The following NKIRAS1 variants were observed in gnomAD, a reference collection of about 807,000 sequenced individuals.
NKIRAS1 encodes NFKB inhibitor interacting Ras like 1, also known as NF-kappa-B inhibitor-interacting Ras-like protein 1.
Under a neutral mutation model 19.8 loss-of-function variants are expected in NKIRAS1, and 16 were observed. The ratio of observed to expected loss-of-function variants is 0.81; its 90% CI spans 0.55 to 1.23. The LOEUF (loss-of-function observed/expected upper bound fraction) is 1.23. NKIRAS1 is among the 50% of genes most tolerant of loss of function. The pLI is 0.00. For missense variants in NKIRAS1, 184 were observed against 220.0 expected (o/e 0.84, Z 1.04); for synonymous variants, 88 against 79.0 (o/e 1.11, Z -0.61).
upstream of NKIRAS1, chr3:23,919,169 G>A (rs78134339): frequency 2.0e-4 from 300 of 1,534,576 alleles, no homozygotes; most frequent in East Asian, 4.2e-3. Context: ...GTGGGAGATT[G>A]ACCTTGGGCC....
At chr3:23,894,793 T>A (rs1476424035) in intron 4 of NKIRAS1, among the ~76,000 whole-genome samples, 1 of 152,138 alleles carries the variant, frequency 6.6e-6, no homozygotes, top group Non-Finnish European at 1.5e-5. Flanking sequence ...CTAAAACCCC[T>A]GCAGAAAGCT....
rs573533491 is a variant in NKIRAS1, at chr3:23,933,769, C to T, written c.-140+12554G>A. Among the ~76,000 whole-genome samples the T allele has an allele frequency of 2.6e-5, 4 of 152,238 alleles. No homozygotes were observed. In the South Asian group the frequency reaches 8.3e-4, roughly 32 times the overall value. ...CACTTTGTGCTGCGATAACAAATTA[C>T]TGTAGGCTGGGTGGCTTAAAGAACA... On this transcript the variant is annotated intron_variant, in intron 1 of 4. Coordinates refer to the NKIRAS1 transcript ENST00000421515.
intron 3 of NKIRAS1, among the ~76,000 whole-genome samples, chr3:23,904,049 C>T (rs1702779914): frequency 6.6e-6 from 1 of 152,128 alleles, no homozygotes; most frequent in African/African-American, 2.4e-5. Flanking sequence ...CCTGTAATTG[C>T]AGCTACTTGG....
At chr3:23,904,002 T>C (rs565085231) in intron 3 of NKIRAS1, among the ~76,000 whole-genome samples, 66 of 152,096 alleles carry the variant, frequency 4.3e-4, no homozygotes, top group Admixed American at 1.6e-3. Flanking sequence ...CCATCTCTAC[T>C]AAAAATACAA....
chr3:23,914,683 T>G (rs1704125293), intron 1 of NKIRAS1, among the ~76,000 whole-genome samples: 1 of 152,168 alleles, frequency 6.6e-6, no homozygotes, highest in African/African-American at 2.4e-5. Context: ...AATCATCCCT[T>G]GTCCTCAGGA....
chr3:23,946,009 G>C, intron 1 of NKIRAS1: 5 of 700,916 alleles, frequency 7.1e-6, no homozygotes, highest in Non-Finnish European at 8.8e-6. Context: ...CCCCGGGGCC[G>C]CAGGGACACG....
At chr3:23,943,775 G>A (rs1048829031) in intron 1 of NKIRAS1, among the ~76,000 whole-genome samples, 1 of 152,342 alleles carries the variant, frequency 6.6e-6, no homozygotes, top group East Asian at 1.9e-4. Context: ...GGGAAGAATA[G>A]AGGGCTACCG....
intron 1 of NKIRAS1, among the ~76,000 whole-genome samples, chr3:23,937,063 TCTC>T (rs1198822001): frequency 6.6e-6 from 1 of 152,122 alleles, no homozygotes; most frequent in Non-Finnish European, 1.5e-5. Flanking sequence ...GGTCTCTAAG[TCTC>T]CTCTAAGTAT....
At chr3:23,938,073 G>C (rs1341877977) in intron 1 of NKIRAS1, among the ~76,000 whole-genome samples, 2 of 152,150 alleles carry the variant, frequency 1.3e-5, no homozygotes, top group African/African-American at 4.8e-5. Context: ...ATTATGTGGA[G>C]TGGGGGCTTT....
chr3:23,941,883 T>C (rs747105896), intron 1 of NKIRAS1, among the ~76,000 whole-genome samples: 3 of 152,230 alleles, frequency 2.0e-5, no homozygotes, highest in Admixed American at 6.5e-5. Context: ...AGATATACTT[T>C]GCAATGGCTA....
At chr3:23,934,379 GC>G (rs1478993749) in intron 1 of NKIRAS1, among the ~76,000 whole-genome samples, 3 of 152,154 alleles carry the variant, frequency 2.0e-5, no homozygotes, top group Non-Finnish European at 2.9e-5. Flanking sequence ...CACATTTTAG[GC>G]AGCTGTGGGC....
intron 1 of NKIRAS1, chr3:23,923,220 AT>A (rs112690573): frequency 0.52 from 64,241 of 123,628 alleles, 14,534 homozygotes; most frequent in Middle Eastern, 0.6. Context: ...GAGGAACTTC[AT>A]TTTTTTTTTT....
chr3:23,910,004 G>T (rs1014784485), intron 3 of NKIRAS1, among the ~76,000 whole-genome samples: 4 of 151,618 alleles, frequency 2.6e-5, no homozygotes, highest in Non-Finnish European at 5.9e-5. Context: ...GACTACAGGC[G>T]TGCACCGCCA....
At chr3:23,928,903 A>G (rs1419362458) in intron 1 of NKIRAS1, among the ~76,000 whole-genome samples, 1 of 151,734 alleles carries the variant, frequency 6.6e-6, no homozygotes, top group Non-Finnish European at 1.5e-5. Context: ...AGGCTGAAGC[A>G]GGAGAATTGC....
In NKIRAS1 at chr3:23,890,321, C is replaced by G. The variant is rs1701361709; in HGVS notation, c.*2774G>C. Among the ~76,000 whole-genome samples, 1 of 152,192 alleles carries G rather than the reference C, an allele frequency of 6.6e-6. No homozygotes were observed. ...CAGTACACTAAAGCCTAAGCATTCC[C>G]TCTTCCCCCAACGTTATGTTTTTTT... On this transcript the variant is annotated 3_prime_UTR_variant, in exon 5 of 5. Transcript: ENST00000425478.
chr3:23,915,615 T>C (rs1279556877), intron 1 of NKIRAS1, among the ~76,000 whole-genome samples: 1 of 152,202 alleles, frequency 6.6e-6, no homozygotes, highest in African/African-American at 2.4e-5. Flanking sequence ...GTTCAAAATC[T>C]GCCAATGAAA....
intron 4 of NKIRAS1, among the ~76,000 whole-genome samples, chr3:23,900,149 G>C (rs1032580658): frequency 6.6e-6 from 1 of 151,874 alleles, no homozygotes; most frequent in Non-Finnish European, 1.5e-5. Flanking sequence ...GTGAAAGAGA[G>C]AGACTCAGTC....
chr3:23,896,167 C>T (rs1575063209), intron 4 of NKIRAS1, among the ~76,000 whole-genome samples: 1 of 146,168 alleles, frequency 6.8e-6, no homozygotes, highest in African/African-American at 2.5e-5. Flanking sequence ...CTTCCACATT[C>T]TTCCGCCACC....
intron 1 of NKIRAS1, among the ~76,000 whole-genome samples, chr3:23,938,256 C>G (rs1705432747): frequency 6.8e-6 from 1 of 146,296 alleles, no homozygotes; most frequent in Non-Finnish European, 1.5e-5. Context: ...GTTGCCCAGG[C>G]TGGAGTGCAG....
Sources: gnomAD v4.1 joint callset for allele counts (sites outside exome capture counted in the v4.1 genomes callset) on GRCh38, gnomAD v4.1.1 for gene constraint, MANE v1.5 for transcripts, NCBI Gene and HGNC (gene_info 2026-07-23, HGNC 2026-07-21) for gene names.